LHPP: variants seen among roughly 807,000 people sequenced by gnomAD.
LHPP encodes phospholysine phosphohistidine inorganic pyrophosphate phosphatase.
LHPP carries 24 observed loss-of-function variants against 30.3 expected under a neutral mutation model. The observed-to-expected ratio is 0.79, with a 90% CI of 0.57 to 1.11. The LOEUF (loss-of-function observed/expected upper bound fraction) is 1.11. Ranked by LOEUF, LHPP falls within the 50% of genes most tolerant of loss-of-function variation. The pLI, the probability that LHPP is intolerant of heterozygous loss-of-function variation, is 0.00. For synonymous variants in LHPP, 150 were observed against 157.1 expected (o/e 0.95, Z 0.34); for missense variants, 356 against 367.2 (o/e 0.97, Z 0.25).
At chr10:124,543,844 A>G (rs1955265649) in intron 6 of LHPP, among the ~76,000 whole-genome samples, 2 of 152,268 alleles carry the variant, frequency 1.3e-5, no homozygotes, top group South Asian at 4.1e-4. Flanking sequence ...TCACAAAGAA[A>G]ATAATCCACA....
chr10:124,582,004 G>A (rs1235062202), intron 6 of LHPP, among the ~76,000 whole-genome samples: 12 of 152,038 alleles, frequency 7.9e-5, no homozygotes, highest in Admixed American at 5.9e-4. Flanking sequence ...GGATGGTCTC[G>A]ATCTCCTGAC....
At chr10:124,518,936 TTTTTTGTTTTTG>T (rs952644734) in intron 6 of LHPP, among the ~76,000 whole-genome samples, 4 of 152,028 alleles carry the variant, frequency 2.6e-5, no homozygotes, top group Admixed American at 2.0e-4. Flanking sequence ...GAAACTCTGT[TTTTTTGTTTTTG>T]TTTTTGTTTT....
intron 6 of LHPP, among the ~76,000 whole-genome samples, chr10:124,602,239 G>T (rs1949033196): frequency 6.6e-6 from 1 of 152,234 alleles, no homozygotes. Flanking sequence ...GTGACTTTGA[G>T]CATGGCTGTT....
chr10:124,471,046 C>G (rs1389524423), intron 1 of LHPP, among the ~76,000 whole-genome samples: 1 of 152,116 alleles, frequency 6.6e-6, no homozygotes. Context: ...AACATTCTCA[C>G]CAGCCTGTGA....
chr10:124,519,882 G>A (rs964809206), intron 6 of LHPP, among the ~76,000 whole-genome samples: 15 of 151,800 alleles, frequency 9.9e-5, no homozygotes, highest in African/African-American at 3.6e-4. Context: ...ACCCAGGCTG[G>A]AGTGCAGTGG....
At chr10:124,562,300 C>T (rs372595601) in intron 6 of LHPP, among the ~76,000 whole-genome samples, 2 of 119,784 alleles carry the variant, frequency 1.7e-5, no homozygotes, top group African/African-American at 6.6e-5. Context: ...GGGTGAGACC[C>T]TGTCTCAAAC....
chr10:124,604,268 G>A (rs1476067743), intron 6 of LHPP, among the ~76,000 whole-genome samples: 1 of 152,198 alleles, frequency 6.6e-6, no homozygotes, highest in Non-Finnish European at 1.5e-5. Flanking sequence ...CCGTAAGGAG[G>A]CCACCGACCC....
rs565936805 is a variant in LHPP, at chr10:124,530,045, G to A, written c.716+12774G>A. Among the ~76,000 whole-genome samples the A allele has an allele frequency of 8.5e-5, 13 of 152,154 alleles. No individual in the cohort carries two copies. The South Asian group carries it at 1.5e-3, about 17-fold the overall frequency. On this transcript the variant is annotated intron_variant, in intron 6 of 6. Transcript: ENST00000368842. ...CCACCCGCATGCATCCCATGAGGCCGTCCAAGCCCGTCTGCCCTGCATCAG... is the reference window on the plus strand; with the variant it reads ...CCACCCGCATGCATCCCATGAGGCCATCCAAGCCCGTCTGCCCTGCATCAG...
At chr10:124,598,836 T>C (rs1377547833) in intron 6 of LHPP, among the ~76,000 whole-genome samples, 2 of 150,876 alleles carry the variant, frequency 1.3e-5, no homozygotes, top group African/African-American at 4.9e-5. Flanking sequence ...TCCATCTCTG[T>C]CCATCCATCT....
In LHPP at chr10:124,464,677, C is replaced by T. The variant is rs575951988; in HGVS notation, c.125+2690C>T. On this transcript the variant is annotated intron_variant, in intron 1 of 6. Coordinates refer to ENST00000368842, the MANE Select transcript of LHPP (RefSeq NM_022126.4). ...GCACTGGTGGGAATCCAGCAGAGGG[C>T]TCTGGGCAGTGTTTTGGGGTGAAGT... Among the ~76,000 whole-genome samples, 11 of 152,302 alleles carry T rather than the reference C, an allele frequency of 7.2e-5. No homozygotes were observed. The East Asian group carries it at 1.7e-3, about 24-fold the overall frequency.
chr10:124,484,441 A>G, intron 2 of LHPP, 115 bp downstream of exon 2: 3 of 1,024,718 alleles, frequency 2.9e-6, no homozygotes, highest in Non-Finnish European at 4.3e-6. Flanking sequence ...CTAGGCCACC[A>G]ACACTCATGG....
intron 1 of LHPP, among the ~76,000 whole-genome samples, chr10:124,482,273 A>G (rs1332716085): frequency 6.6e-6 from 1 of 152,210 alleles, no homozygotes; most frequent in Non-Finnish European, 1.5e-5. Context: ...TATAAATTTT[A>G]AATTATTCAT....
intron 6 of LHPP, among the ~76,000 whole-genome samples, chr10:124,606,751 T>C (rs1182629509): frequency 1.3e-5 from 2 of 152,130 alleles, no homozygotes; most frequent in Non-Finnish European, 2.9e-5. Context: ...GGAGCAGCGC[T>C]GTGACCCCCA....
At chr10:124,584,931 A>G (rs1444381840) in intron 6 of LHPP, among the ~76,000 whole-genome samples, 13 of 152,358 alleles carry the variant, frequency 8.5e-5, no homozygotes, top group Non-Finnish European at 1.9e-4. Flanking sequence ...AAACCCAATC[A>G]AAACCTTGTT....
chr10:124,511,553 A>G (rs1589815538), intron 5 of LHPP, among the ~76,000 whole-genome samples: 1 of 151,418 alleles, frequency 6.6e-6, no homozygotes, highest in African/African-American at 2.4e-5. Context: ...GCCCTCAGCC[A>G]CCTCCTCCGA....
chr10:124,609,198 G>A (rs1203170957), intron 6 of LHPP, among the ~76,000 whole-genome samples: 1 of 152,216 alleles, frequency 6.6e-6, no homozygotes. Flanking sequence ...CAGGCCGCAG[G>A]TAGGATTTGG....
chr10:124,532,820 T>C (rs1327118884), intron 6 of LHPP, among the ~76,000 whole-genome samples: 1 of 152,216 alleles, frequency 6.6e-6, no homozygotes, highest in Non-Finnish European at 1.5e-5. Flanking sequence ...CTGTCCCAAC[T>C]GTCCCTATGG....
At chr10:124,575,001 A>G (rs922153236) in intron 6 of LHPP, among the ~76,000 whole-genome samples, 1 of 152,190 alleles carries the variant, frequency 6.6e-6, no homozygotes, top group African/African-American at 2.4e-5. Context: ...ATCAGTAGCC[A>G]TGCAACCTCC....
chr10:124,484,195 G>A lies in LHPP; in HGVS notation c.182G>A (p.Arg61Gln), dbSNP rs200583242. The change falls in exon 2 of 7, where the codon CGG becomes CAG. Residue 61 changes from arginine (R) to glutamine (Q), a missense_variant. Coordinates refer to ENST00000368842, the MANE Select transcript of LHPP (RefSeq NM_022126.4). ...TGCACCAACGAGTCGCAGAAGTCCCGGGCAGAGCTGGTGGGGCAGCTTCAG... is the reference window on the plus strand; with the variant it reads ...TGCACCAACGAGTCGCAGAAGTCCCAGGCAGAGCTGGTGGGGCAGCTTCAG... The part of the protein sequence containing the change: ...RFCTNESQKS[R>Q]AELVGQLQRL... 62 of 1,614,086 alleles carry A rather than the reference G, an allele frequency of 3.8e-5. No homozygotes were observed. The highest frequency in any genetic ancestry group is 2.9e-4 in the East Asian group (13 of 44,882).
Sources: gnomAD v4.1 joint callset for allele counts (sites outside exome capture counted in the v4.1 genomes callset) on GRCh38, gnomAD v4.1.1 for gene constraint, MANE v1.5 for transcripts, NCBI Gene and HGNC (gene_info 2026-07-23, HGNC 2026-07-21) for gene names.